Variants in RBFOX1 observed in about 807,000 individuals in gnomAD.
The protein encoded by RBFOX1 is RNA binding protein fox-1 homolog 1.
RBFOX1 carries 8 observed loss-of-function variants against 57.7 expected under a neutral mutation model. The observed-to-expected ratio is 0.14, with a 90% CI of 0.08 to 0.25. The LOEUF (loss-of-function observed/expected upper bound fraction) is 0.25. Among genes scored for constraint, RBFOX1 ranks in the 10% least tolerant of loss-of-function variants. The pLI is 1.00. For missense variants in RBFOX1, 611 were observed against 548.5 expected (o/e 1.11, Z -1.14); for synonymous variants, 326 against 222.4 (o/e 1.47, Z -4.15).
intron 1 of RBFOX1, among the ~76,000 whole-genome samples, chr16:5,292,366 A>T (rs1363374753): frequency 6.6e-6 from 1 of 151,230 alleles, no homozygotes; most frequent in Admixed American, 6.6e-5. Context: ...CCCCCAAATC[A>T]ATTGGCAGAA....
chr16:6,300,244 G>T (rs557329167), intron 1 of RBFOX1, among the ~76,000 whole-genome samples: 15 of 152,050 alleles, frequency 9.9e-5, no homozygotes, highest in African/African-American at 3.4e-4. Flanking sequence ...TTAGACAGAA[G>T]AAATAAATTC....
At chr16:7,433,159 C>G (rs896649388) in intron 4 of RBFOX1, among the ~76,000 whole-genome samples, 1 of 152,232 alleles carries the variant, frequency 6.6e-6, no homozygotes, top group African/African-American at 2.4e-5. Context: ...ATCCTCCCTT[C>G]TTTCCTTCTG....
intron 2 of RBFOX1, among the ~76,000 whole-genome samples, chr16:6,604,705 C>T (rs1415856836): frequency 1.3e-5 from 2 of 152,152 alleles, no homozygotes; most frequent in Non-Finnish European, 2.9e-5. Context: ...CACATGCACA[C>T]ACACGTATAA....
At chr16:6,225,805 C>T (rs1264421764) in intron 1 of RBFOX1, among the ~76,000 whole-genome samples, 1 of 152,170 alleles carries the variant, frequency 6.6e-6, no homozygotes, top group East Asian at 1.9e-4. Flanking sequence ...GCCTAGGAGA[C>T]ATGACTGAAG....
At chr16:7,700,282 C>G (rs543891685) in intron 14 of RBFOX1, among the ~76,000 whole-genome samples, 1 of 152,290 alleles carries the variant, frequency 6.6e-6, no homozygotes, top group Admixed American at 6.5e-5. Flanking sequence ...TAGTCCTTAA[C>G]TAGTAATCAT....
At position 5,947,076 on chromosome 16, in the gene RBFOX1, A is replaced by T. The variant is rs1013699261; in HGVS notation, c.351+79741A>T. 6.6e-6 allele frequency among the ~76,000 whole-genome samples: 1 copy of T among 152,038 alleles called. No homozygotes were observed. Among genetic ancestry groups the T allele is most frequent in the African/African-American group, 2.4e-5 (1 of 41,402 alleles). On this transcript the variant is annotated intron_variant, in intron 4 of 19. Coordinates refer to the RBFOX1 transcript ENST00000641259. This position sits in a 1 kb window ranked among gnomAD's most constrained non-coding sequence, Gnocchi z 7.2. ...AATAAAGTGAAAATAAAATCATCCC[A>T]TGTGGTTGTGCATACTGTAGTCCCA...
At chr16:7,674,099 T>A (rs1290992531) in intron 13 of RBFOX1, among the ~76,000 whole-genome samples, 7 of 152,214 alleles carry the variant, frequency 4.6e-5, no homozygotes, top group Non-Finnish European at 1.0e-4. Context: ...TATTTTACAG[T>A]GTATGTACAC....
intron 3 of RBFOX1, among the ~76,000 whole-genome samples, chr16:6,832,397 A>T (rs1048364968): frequency 3.3e-5 from 5 of 152,190 alleles, no homozygotes; most frequent in African/African-American, 1.2e-4. Flanking sequence ...CCAGATTGCT[A>T]CTTAATAGTG....
In RBFOX1 at chr16:6,570,708, C is replaced by T. The variant is rs563890464; in HGVS notation, c.-63-83895C>T. Reference sequence around the variant, plus strand: ...TGATTTTGCAGTATCCGCCAACTTCCTACTCAGGAAAAGTTATAGCAGATG... The same window carrying T: ...TGATTTTGCAGTATCCGCCAACTTCTTACTCAGGAAAAGTTATAGCAGATG... On this transcript the variant is annotated intron_variant, in intron 2 of 15. Coordinates refer to ENST00000550418, the MANE Select transcript of RBFOX1 (RefSeq NM_018723.4). 4.6e-5 allele frequency among the ~76,000 whole-genome samples: 7 copies of T among 152,282 alleles called. No homozygotes were observed. In the East Asian group the frequency reaches 7.7e-4, roughly 17 times the overall value.
intron 1 of RBFOX1, among the ~76,000 whole-genome samples, chr16:5,291,900 C>T (rs2063544622): frequency 6.6e-6 from 1 of 151,894 alleles, no homozygotes; most frequent in Admixed American, 6.6e-5. Flanking sequence ...CTCAAGTGGG[C>T]CCTCCAGCCG....
intron 4 of RBFOX1, among the ~76,000 whole-genome samples, chr16:7,505,787 A>G (rs1243895053): frequency 6.6e-6 from 1 of 152,136 alleles, no homozygotes; most frequent in Non-Finnish European, 1.5e-5. Flanking sequence ...GTGAAATGAG[A>G]CAAGTAGCTT....
chr16:5,821,563 A>C (rs1263987624), intron 3 of RBFOX1, among the ~76,000 whole-genome samples: 1 of 152,128 alleles, frequency 6.6e-6, no homozygotes, highest in Non-Finnish European at 1.5e-5. Flanking sequence ...TTGGCCTCCC[A>C]AAATGCTGGG....
chr16:6,911,516 C>G (rs8059101), intron 3 of RBFOX1, among the ~76,000 whole-genome samples: 114,584 of 151,922 alleles, frequency 0.75, 43,420 homozygotes, highest in East Asian at 0.93. Context: ...GTCTGTCTCC[C>G]TGTCCAAATT....
intron 2 of RBFOX1, among the ~76,000 whole-genome samples, chr16:6,364,590 C>A (rs976282844): frequency 3.3e-5 from 5 of 152,218 alleles, no homozygotes; most frequent in African/African-American, 1.2e-4. Context: ...TGTGTACACA[C>A]ACTTTCATGT....
chr16:7,698,183 G>GGGGTGTGTGTGTGTGT (rs1355248429), intron 14 of RBFOX1, among the ~76,000 whole-genome samples: 2 of 136,212 alleles, frequency 1.5e-5, no homozygotes, highest in African/African-American at 5.3e-5. Flanking sequence ...AGTCCAAGAG[G>GGGGTGTGTGTGTGTGT]GTGTGTGTGT....
At chr16:7,513,973 T>C (rs1486717487) in intron 4 of RBFOX1, among the ~76,000 whole-genome samples, 1 of 152,180 alleles carries the variant, frequency 6.6e-6, no homozygotes, top group Non-Finnish European at 1.5e-5. Context: ...GTTTGGAGAG[T>C]ATACAGGCCC....
At chr16:5,593,445 C>G (rs1306223926) in intron 2 of RBFOX1, among the ~76,000 whole-genome samples, 1 of 152,114 alleles carries the variant, frequency 6.6e-6, no homozygotes, top group African/African-American at 2.4e-5. Flanking sequence ...ACCTATGTAA[C>G]AAACCTGCAC....
At chr16:7,626,991 T>C (rs2060170847) in intron 10 of RBFOX1, among the ~76,000 whole-genome samples, 1 of 151,996 alleles carries the variant, frequency 6.6e-6, no homozygotes, top group Non-Finnish European at 1.5e-5. Flanking sequence ...CCACGAAGGA[T>C]CTATCAGGGA....
At chr16:6,559,242 A>G (rs1017332877) in intron 2 of RBFOX1, among the ~76,000 whole-genome samples, 1 of 152,114 alleles carries the variant, frequency 6.6e-6, no homozygotes, top group African/African-American at 2.4e-5. Flanking sequence ...GTTGTGCCTT[A>G]TAACCAAAAG....
Sources: gnomAD v4.1 joint callset for allele counts (sites outside exome capture counted in the v4.1 genomes callset) on GRCh38, gnomAD v4.1.1 for gene constraint, Gnocchi (gnomAD v3.1) non-coding constraint, MANE v1.5 for transcripts, NCBI Gene and HGNC (gene_info 2026-07-23, HGNC 2026-07-21) for gene names.